Variants in MTHFD1 observed in about 807,000 individuals in gnomAD.
The protein encoded by MTHFD1 is C-1-tetrahydrofolate synthase, cytoplasmic.
In MTHFD1, 44 loss-of-function variants were observed where a neutral mutation model predicts 110.3. The ratio of observed to expected loss-of-function variants is 0.40; its 90% CI spans 0.31 to 0.51. MTHFD1 has a LOEUF of 0.51. MTHFD1 is among the 20% of genes least tolerant of loss of function. The pLI, the probability that MTHFD1 is intolerant of heterozygous loss-of-function variation, is 0.60. For missense variants in MTHFD1, 909 were observed against 1,173.1 expected (o/e 0.77, Z 3.29); for synonymous variants, 402 against 428.8 (o/e 0.94, Z 0.77).
chr14:64,454,367 T>G (rs1185683446), intron 25 of MTHFD1, among the ~76,000 whole-genome samples: 1 of 152,076 alleles, frequency 6.6e-6, no homozygotes, highest in Non-Finnish European at 1.5e-5. Flanking sequence ...CCCATCTCAG[T>G]CTCCCAAAGT....
At chr14:64,420,512 C>T (rs889791744) in intron 8 of MTHFD1, among the ~76,000 whole-genome samples, 1 of 152,136 alleles carries the variant, frequency 6.6e-6, no homozygotes, top group African/African-American at 2.4e-5. Context: ...AGTTTCCCTC[C>T]CAAGCATTCC....
intron 2 of MTHFD1, among the ~76,000 whole-genome samples, chr14:64,402,881 A>T (rs2077909409): frequency 2.6e-5 from 4 of 152,200 alleles, no homozygotes; most frequent in Non-Finnish European, 5.9e-5. Flanking sequence ...TTCTGTATAT[A>T]GCAGAAGTGC....
At chr14:64,455,491 G>A (rs2078456580) in intron 26 of MTHFD1, among the ~76,000 whole-genome samples, 1 of 152,110 alleles carries the variant, frequency 6.6e-6, no homozygotes, top group South Asian at 2.1e-4. Context: ...CAGAGGGGAG[G>A]GATGCTTAAG....
intron 9 of MTHFD1, among the ~76,000 whole-genome samples, chr14:64,425,210 CTTTTTTT>C (rs60509639): frequency 2.3e-5 from 3 of 128,760 alleles, no homozygotes; most frequent in African/African-American, 2.9e-5. Context: ...CCTTCCCTTT[CTTTTTTT>C]TTTTTTTTTT....
chr14:64,397,141 A>T (rs1445876897), intron 1 of MTHFD1, among the ~76,000 whole-genome samples: 438 of 1,686 alleles, frequency 0.26, 55 homozygotes, highest in African/African-American at 0.49. Context: ...AAAAAAAAAT[A>T]TATATATATA....
Position 64,430,330 on chromosome 14 carries a change from C to T in MTHFD1, c.1311+100C>T, listed in dbSNP as rs2078148289. The T allele has an allele frequency of 1.2e-5, 14 of 1,144,134 alleles. No homozygotes were observed. In the East Asian group the frequency reaches 2.6e-4, roughly 22 times the overall value. The allele number at this position is 1,144,134 out of a possible 1,614,324, so 70.9% of individuals were successfully genotyped here. On this transcript the variant is annotated intron_variant, in intron 13 of 27. Transcript: ENST00000652337. ...TTTTTTTCCCCATGACGGAGTCTTG[C>T]TCTGTTGCCCAGAGCTGGAGTGCAA...
At position 64,418,562 on chromosome 14, in the gene MTHFD1, T is replaced by A. The variant is rs1195973854; in HGVS notation, c.615+538T>A. On this transcript the variant is annotated intron_variant, in intron 7 of 27. Transcript: ENST00000652337. ...TCTCTTCCTTTTTCTTTTTTCTTTA[T>A]TTATTTTTTTTGAGATGGAGTTTCA... Among the ~76,000 whole-genome samples the A allele has an allele frequency of 2.0e-5, 3 of 152,304 alleles. No homozygotes were observed. The East Asian group carries it at 5.8e-4, about 29-fold the overall frequency.
intron 2 of MTHFD1, among the ~76,000 whole-genome samples, chr14:64,408,270 G>A (rs563476142): frequency 6.7e-6 from 1 of 149,938 alleles, no homozygotes; most frequent in South Asian, 2.1e-4. Flanking sequence ...CCACCTTCAA[G>A]GAGAAATCAG....
At chr14:64,398,542 G>T (rs1289898063) in intron 1 of MTHFD1, among the ~76,000 whole-genome samples, 1 of 152,098 alleles carries the variant, frequency 6.6e-6, no homozygotes, top group East Asian at 1.9e-4. Flanking sequence ...GCCAGACCCT[G>T]TCTCAAAAAA....
chr14:64,450,906 C>T (rs1430832419), intron 24 of MTHFD1, among the ~76,000 whole-genome samples: 1 of 151,942 alleles, frequency 6.6e-6, no homozygotes, highest in Non-Finnish European at 1.5e-5. Context: ...AGTGGCTCAC[C>T]CCTGTAACCC....
At chr14:64,422,799 T>C (rs2078085228) in intron 8 of MTHFD1, 1 of 152,156 alleles carries the variant, frequency 6.6e-6, no homozygotes. Context: ...GTTTGCTCAT[T>C]ACTGAGGTCA....
rs1596541234 is a variant in MTHFD1 at position 64,419,887 on chromosome 14, G to A, written c.689G>A (p.Gly230Glu). The A allele has an allele frequency of 1.2e-6, 2 of 1,614,086 alleles. No homozygotes were observed. The highest frequency in any genetic ancestry group is 1.7e-6 in the Non-Finnish European group (2 of 1,179,976). Residue 230 changes from glycine (G) to glutamate (E), a missense_variant, in exon 8 of 28, where the codon GGG (glycine) becomes GAG (glutamate). Gly to Glu is a moderately conservative substitution (Grantham distance 98). Coordinates refer to ENST00000652337, the MANE Select transcript of MTHFD1 (RefSeq NM_005956.4). ...GTTAAAGGGGAGTGGATCAAACCTG[G>A]GGCAATAGTCATCGACTGTGGAATC... ...EMVKGEWIKP[G>E]AIVIDCGINY...
intron 13 of MTHFD1, among the ~76,000 whole-genome samples, chr14:64,430,577 T>A (rs1427022560): frequency 2.0e-5 from 3 of 152,136 alleles, no homozygotes; most frequent in Non-Finnish European, 4.4e-5. Flanking sequence ...ATTATAGGCG[T>A]GAGCCACCGC....
intron 2 of MTHFD1, among the ~76,000 whole-genome samples, chr14:64,405,254 A>G (rs922848962): frequency 1.3e-5 from 2 of 152,198 alleles, no homozygotes. Flanking sequence ...CCCTTTTTAA[A>G]GCAACATTGG....
chr14:64,439,315 T>A (rs932643747), intron 17 of MTHFD1, 143 bp downstream of exon 17: 3 of 718,230 alleles, frequency 4.2e-6, no homozygotes, highest in Non-Finnish European at 7.6e-6. Flanking sequence ...TGAGTAGGTG[T>A]GTGGCATTGA....
intron 1 of MTHFD1, among the ~76,000 whole-genome samples, chr14:64,392,205 G>T (rs188661665): frequency 6.6e-6 from 1 of 152,194 alleles, no homozygotes; most frequent in Non-Finnish European, 1.5e-5. Flanking sequence ...TACTGCTTTG[G>T]GGGGTCAATG....
At chr14:64,430,633 G>C (rs1416586673) in intron 13 of MTHFD1, among the ~76,000 whole-genome samples, 1 of 152,116 alleles carries the variant, frequency 6.6e-6, no homozygotes, top group Non-Finnish European at 1.5e-5. Flanking sequence ...CTGGAGATTA[G>C]CCTTTTTTGT....
chr14:64,392,772 T>C (rs2077816929), intron 1 of MTHFD1, among the ~76,000 whole-genome samples: 1 of 152,182 alleles, frequency 6.6e-6, no homozygotes, highest in South Asian at 2.1e-4. Context: ...CTATAAAGCA[T>C]TTAGAGAAGT....
chr14:64,440,117 T>C lies in MTHFD1; in HGVS notation c.1675-9T>C, dbSNP rs769550752. 3.1e-6 allele frequency: 5 copies of C among 1,610,958 alleles called. No individual in the cohort carries two copies. In the African/African-American group the frequency reaches 6.7e-5, roughly 22 times the overall value. Reference sequence around the variant, plus strand: ...AGTTTTTGCTAGTACCTCTTTTCCCTGCCCACAGGCCCAGTTTGATATCTC... The same window carrying C: ...AGTTTTTGCTAGTACCTCTTTTCCCCGCCCACAGGCCCAGTTTGATATCTC... On this transcript the variant is annotated splice_polypyrimidine_tract_variant and intron_variant, in intron 17 of 27. Transcript: ENST00000652337.
Sources: gnomAD v4.1 joint callset for allele counts (sites outside exome capture counted in the v4.1 genomes callset) on GRCh38, gnomAD v4.1.1 for gene constraint, MANE v1.5 for transcripts, NCBI Gene and HGNC (gene_info 2026-07-23, HGNC 2026-07-21) for gene names.